HHIP: variants seen among roughly 807,000 people sequenced by gnomAD.
HHIP encodes hedgehog-interacting protein.
HHIP carries 12 observed loss-of-function variants against 74.0 expected under a neutral mutation model. The ratio of observed to expected loss-of-function variants is 0.16; its 90% confidence interval spans 0.10 to 0.26. The LOEUF is 0.26. HHIP is among the 10% of genes least tolerant of loss of function. The pLI is 1.00. For synonymous variants in HHIP, 309 were observed against 311.6 expected (o/e 0.99, Z 0.09); for missense variants, 788 against 845.0 (o/e 0.93, Z 0.84).
intron 4 of HHIP, among the ~76,000 whole-genome samples, chr4:144,692,031 G>T (rs1479399462): frequency 6.6e-6 from 1 of 152,016 alleles, no homozygotes; most frequent in Non-Finnish European, 1.5e-5. Flanking sequence ...TATGCTCATT[G>T]CTCCTCCCAC....
At chr4:144,670,233 G>C (rs537793458) in intron 4 of HHIP, among the ~76,000 whole-genome samples, 11 of 151,840 alleles carry the variant, frequency 7.2e-5, no homozygotes, top group Middle Eastern at 3.4e-3. Context: ...GGCTGAGGCC[G>C]GCGGATCACC....
At position 144,714,339 on chromosome 4, in the gene HHIP, A is replaced by G; in HGVS notation, c.1538A>G (p.Asp513Gly). The stretch of plus-strand genomic sequence containing the variant: ...TTGTATGGAAGCTACGTGTTTGGAG[A>G]TCGTAATGGGTAGGTTTCCTGATAC... The part of the protein sequence containing the change: ...ERLYGSYVFG[D>G]RNGNFLTLQQ... The change falls in exon 9 of 13, where the codon GAT (aspartate) becomes GGT (glycine). Residue 513 changes from aspartate (D) to glycine (G), a missense_variant. This residue lies in a region of HHIP where 343 missense variants were observed against 347.9 expected (regional missense o/e 0.99). Coordinates refer to ENST00000296575, the MANE Select transcript of HHIP (RefSeq NM_022475.3). 1 of 1,613,346 alleles carries G rather than the reference A, an allele frequency of 6.2e-7. No individual in the cohort carries two copies. Among genetic ancestry groups the G allele is most frequent in the Admixed American group, 1.7e-5 (1 of 59,956 alleles).
At chr4:144,707,059 A>G (rs1437581147) in intron 5 of HHIP, 28 bp from the exon 6 acceptor site, 1 of 1,597,844 alleles carries the variant, frequency 6.3e-7, no homozygotes. Flanking sequence ...TTTAACAGTC[A>G]TGGTATTGTT....
rs1017404485 is a variant in HHIP at position 144,742,437 on chromosome 4, A to G, written c.*4480A>G. On this transcript the variant is annotated 3_prime_UTR_variant, in exon 13 of 13. Coordinates refer to ENST00000296575, the MANE Select transcript of HHIP (RefSeq NM_022475.3). Reference sequence around the variant, plus strand: ...ATACAGGAAAGACATGGAGAATAACACTGGGGTTAGCTAACAGCAGGGAAA... The same window carrying G: ...ATACAGGAAAGACATGGAGAATAACGCTGGGGTTAGCTAACAGCAGGGAAA... 2.6e-5 allele frequency: 4 copies of G among 152,118 alleles called. No individual in the cohort carries two copies. The highest frequency in any genetic ancestry group is 1.3e-4 in the Admixed American group (2 of 15,264). The allele number at this position is 152,118 out of a possible 1,614,324, so 9.4% of individuals were successfully genotyped here.
rs35379077 is a variant in HHIP at position 144,737,810 on chromosome 4, G to A, written c.1956G>A (p.Pro652=). Reference sequence around the variant, plus strand: ...GTCATGGAGGTGTCTGTGTTAGACCGAACAAGTGCCTCTGTAAAAAAGGAT... The same window carrying A: ...GTCATGGAGGTGTCTGTGTTAGACCAAACAAGTGCCTCTGTAAAAAAGGAT... The part of the protein sequence containing the change: ...ACRHGGVCVR[P]NKCLCKKGYL... The change falls in exon 13 of 13, where the codon CCG becomes CCA. Residue 652 remains proline (P), a synonymous_variant. Transcript: ENST00000296575. The A allele has an allele frequency of 1.2e-4, 200 of 1,613,398 alleles. 1 individual carries two copies. The Middle Eastern group carries it at 6.3e-3, about 51-fold the overall frequency.
At chr4:144,692,023 T>C (rs983407796) in intron 4 of HHIP, among the ~76,000 whole-genome samples, 6 of 152,158 alleles carry the variant, frequency 3.9e-5, no homozygotes, top group African/African-American at 1.4e-4. Context: ...AGGAACAATA[T>C]GCTCATTGCT....
chr4:144,701,646 A>G (rs60240285), intron 4 of HHIP, among the ~76,000 whole-genome samples: 3,540 of 152,218 alleles, frequency 0.023, 139 homozygotes, highest in African/African-American at 0.081. Flanking sequence ...GGTATTCAAT[A>G]AGTATTTGTG....
intron 11 of HHIP, among the ~76,000 whole-genome samples, chr4:144,731,695 C>T (rs888465254): frequency 6.6e-6 from 1 of 152,192 alleles, no homozygotes; most frequent in Non-Finnish European, 1.5e-5. Flanking sequence ...GCTGGGATTA[C>T]AGGTGTGAGC....
intron 12 of HHIP, 140 bp downstream of exon 12, chr4:144,735,029 T>C: frequency 1.5e-6 from 1 of 682,900 alleles, no homozygotes; most frequent in Non-Finnish European, 2.2e-6. Context: ...TTAATGCTCA[T>C]CTGTTTATGA....
At chr4:144,716,083 C>T (rs1208053981) in intron 10 of HHIP, among the ~76,000 whole-genome samples, 2 of 152,156 alleles carry the variant, frequency 1.3e-5, no homozygotes, top group Non-Finnish European at 2.9e-5. Context: ...TTATTCTCTA[C>T]TAATTTAAAT....
chr4:144,725,328 G>T (rs1730765927), intron 11 of HHIP, among the ~76,000 whole-genome samples: 1 of 152,080 alleles, frequency 6.6e-6, no homozygotes. Context: ...TGTCAACCGT[G>T]ACAAATGAAT....
rs869028218 is a variant in HHIP at position 144,716,854 on chromosome 4, G to GAAAAAAAAAAAAAAAAA, written c.1678+1442_1678+1458dup. Among the ~76,000 whole-genome samples, 14 of 54,654 alleles carry GAAAAAAAAAAAAAAAAA rather than the reference G, an allele frequency of 2.6e-4. 2 individuals carry two copies. The highest frequency in any genetic ancestry group is 3.4e-4 in the Non-Finnish European group (10 of 29,356). 35.9% of individuals were successfully genotyped at this position (54,654 alleles called of 152,430 possible). A position where few individuals can be genotyped will look rare whatever the true frequency, so the allele number is the denominator to read the frequency against. On this transcript the variant is annotated intron_variant, in intron 10 of 12. Coordinates refer to ENST00000296575, the MANE Select transcript of HHIP (RefSeq NM_022475.3). Reference sequence around the variant, plus strand: ...ACATGAGCAAAACTCCGTCTCAAAAGAAAAAAAAAAAAAAAAAAAAAAAAA... The same window carrying GAAAAAAAAAAAAAAAAA: ...ACATGAGCAAAACTCCGTCTCAAAAGAAAAAAAAAAAAAAAAAAAAAAAAAAAAAAAAAAAAAAAAAA...
At chr4:144,729,119 C>A (rs1017727470) in intron 11 of HHIP, among the ~76,000 whole-genome samples, 24 of 152,148 alleles carry the variant, frequency 1.6e-4, no homozygotes, top group African/African-American at 5.8e-4. Context: ...GATGACACAG[C>A]AAGTACTATA....
At position 144,738,805 on chromosome 4, in the gene HHIP, G is replaced by A; in HGVS notation, c.*848G>A. 2 of 474,806 alleles carry A rather than the reference G, an allele frequency of 4.2e-6. No individual in the cohort carries two copies. The highest frequency in any genetic ancestry group is 5.5e-6 in the Non-Finnish European group (2 of 363,240). The allele number at this position is 474,806 out of a possible 1,614,324, so 29.4% of individuals were successfully genotyped here. On this transcript the variant is annotated 3_prime_UTR_variant, in exon 13 of 13. Coordinates refer to ENST00000296575, the MANE Select transcript of HHIP (RefSeq NM_022475.3). ...CAACTTAATTGGAAAGAAGGGGAGT[G>A]AGAAAGCAAACAGTCTTTAATGTGC...
chr4:144,714,165 A>G, intron 8 of HHIP, 60 bp from the exon 9 acceptor site: 2 of 1,439,032 alleles, frequency 1.4e-6, no homozygotes, highest in South Asian at 2.3e-5. Flanking sequence ...TGTTTGGTGT[A>G]CATTCCTTTT....
intron 4 of HHIP, among the ~76,000 whole-genome samples, chr4:144,690,361 T>C (rs577147352): frequency 1.3e-5 from 2 of 152,094 alleles, no homozygotes; most frequent in Non-Finnish European, 2.9e-5. Context: ...GATATGATGG[T>C]AGTATGGTGT....
intron 4 of HHIP, among the ~76,000 whole-genome samples, chr4:144,674,171 G>T (rs1157429926): frequency 6.6e-6 from 1 of 152,308 alleles, no homozygotes; most frequent in Non-Finnish European, 1.5e-5. Context: ...TTATTACTGA[G>T]ATGTGTGCTG....
intron 3 of HHIP, 44 bp from the exon 4 acceptor site, chr4:144,659,593 C>T: frequency 7.6e-7 from 1 of 1,317,968 alleles, no homozygotes; most frequent in Non-Finnish European, 1.0e-6. Context: ...CCCTTATCTC[C>T]TTCATCTCAA....
chr4:144,696,638 C>T (rs1436162741), intron 4 of HHIP, among the ~76,000 whole-genome samples: 1 of 151,912 alleles, frequency 6.6e-6, no homozygotes, highest in African/African-American at 2.4e-5. Flanking sequence ...CTTCCAATCA[C>T]AATCTCTGCT....
Sources: allele counts gnomAD v4.1 joint callset (sites outside exome capture counted in the v4.1 genomes callset), GRCh38; gene constraint gnomAD v4.1.1; regional missense constraint gnomAD v4.1.1; transcripts MANE v1.5; gene names NCBI Gene and HGNC (gene_info 2026-07-23, HGNC 2026-07-21).